The following POM121 variants were observed in gnomAD, a reference collection of about 807,000 sequenced individuals.
The protein encoded by POM121 is nuclear envelope pore membrane protein POM 121.
POM121 carries 32 observed loss-of-function variants against 81.3 expected under a neutral mutation model. That is an observed-to-expected ratio of 0.39 (90% CI 0.30 to 0.53). The LOEUF is 0.53. POM121 is among the 20% of genes least tolerant of loss of function. POM121 has a pLI of 0.66. For missense variants in POM121, 1,138 were observed against 1,614.6 expected (o/e 0.70, Z 5.06); for synonymous variants, 514 against 694.2 (o/e 0.74, Z 4.08).
intron 3 of POM121, among the ~76,000 whole-genome samples, chr7:72,897,123 G>T (rs1792043013): frequency 6.6e-6 from 1 of 152,070 alleles, no homozygotes; most frequent in Non-Finnish European, 1.5e-5. Context: ...CTGTACTCCA[G>T]CCTGGGCAAC....
At chr7:72,930,883 C>G (rs1438829774) in intron 5 of POM121, among the ~76,000 whole-genome samples, 1 of 152,050 alleles carries the variant, frequency 6.6e-6, no homozygotes, top group Non-Finnish European at 1.5e-5. Context: ...AGGTCTTGGG[C>G]AGACAATCAC....
chr7:72,906,030 T>A (rs1192415392), intron 3 of POM121, among the ~76,000 whole-genome samples: 1 of 152,178 alleles, frequency 6.6e-6, no homozygotes. Flanking sequence ...CTTGTTGAGG[T>A]CTGGAGCTCT....
downstream of POM121, chr7:72,948,711 C>T (rs1044881): frequency 1.8e-4 from 286 of 1,568,564 alleles, no homozygotes; most frequent in Non-Finnish European, 2.3e-4. Flanking sequence ...AAGAAGCCAC[C>T]GCTAAGCGTG....
At chr7:72,907,481 T>A (rs1477767650) in intron 3 of POM121, among the ~76,000 whole-genome samples, 6 of 152,136 alleles carry the variant, frequency 3.9e-5, no homozygotes, top group Non-Finnish European at 8.8e-5. Flanking sequence ...ATACTTTTTC[T>A]TCTGAAAAAA....
intron 3 of POM121, among the ~76,000 whole-genome samples, chr7:72,894,495 T>G (rs1791655146): frequency 6.6e-6 from 1 of 151,704 alleles, no homozygotes; most frequent in Non-Finnish European, 1.5e-5. Flanking sequence ...GGAGAATCGC[T>G]TGAACCTGGG....
In POM121 at chr7:72,943,014, C is replaced by T. The variant is rs1370090363; in HGVS notation, c.3021C>T (p.Pro1007=). 4 of 1,613,696 alleles carry T rather than the reference C, an allele frequency of 2.5e-6. No individual in the cohort carries two copies. Among genetic ancestry groups the T allele is most frequent in the Non-Finnish European group, 3.4e-6 (4 of 1,179,840 alleles). ...FGNSAAPAAA[P]TPAPPSMIKV... is the part of the protein sequence containing the mutation. ...ACTCTGCAGCCCCGGCTGCTGCACC[C>T]ACACCTGCACCTCCGTCCATGATCA... is the stretch of plus-strand genomic sequence containing the variant. Residue 1007 remains proline (P), a synonymous_variant, in exon 11 of 13, where the codon CCC becomes CCT. Coordinates refer to ENST00000434423, the MANE Select transcript of POM121 (RefSeq NM_001387691.1).
chr7:72,942,900 G>A lies in POM121; in HGVS notation c.2907G>A (p.Gln969=), dbSNP rs782549564. The A allele has an allele frequency of 1.2e-6, 2 of 1,601,466 alleles. No homozygotes were observed. The highest frequency in any genetic ancestry group is 1.7e-4 in the Middle Eastern group (1 of 5,834). Residue 969 remains glutamine, a synonymous_variant, in exon 11 of 13, where the codon CAG becomes CAA. Transcript: ENST00000434423. The part of the protein sequence containing the change: ...PLPSYPGANP[Q]PAFGAAEGQP... ...CATCATATCCGGGAGCCAACCCCCA[G>A]CCCGCATTTGGGGCCGCTGAGGGGC...
intron 3 of POM121, among the ~76,000 whole-genome samples, chr7:72,912,339 A>G (rs1471701252): frequency 6.6e-6 from 1 of 152,230 alleles, no homozygotes; most frequent in Non-Finnish European, 1.5e-5. Flanking sequence ...GAAATAAGAC[A>G]CGCAGCACAG....
chr7:72,904,962 C>A (rs1480107847), intron 3 of POM121, among the ~76,000 whole-genome samples: 2 of 152,202 alleles, frequency 1.3e-5, no homozygotes, highest in African/African-American at 4.8e-5. Context: ...ATGGGGTGAA[C>A]CGCGCCCGTG....
chr7:72,939,454 G>C (rs782600707), intron 7 of POM121, 45 bp downstream of exon 7: 9 of 1,611,074 alleles, frequency 5.6e-6, no homozygotes, highest in Non-Finnish European at 7.6e-6. Flanking sequence ...GGTGGTGGAG[G>C]TGTTTGTGGA....
intron 12 of POM121, 91 bp downstream of exon 12, chr7:72,945,799 A>G: frequency 2.0e-6 from 3 of 1,512,222 alleles, no homozygotes; most frequent in Non-Finnish European, 2.7e-6. Context: ...GGCCCGGTGA[A>G]GATCAGGTTC....
chr7:72,936,510 C>G (rs1416236227), intron 5 of POM121, among the ~76,000 whole-genome samples: 4 of 152,256 alleles, frequency 2.6e-5, no homozygotes, highest in African/African-American at 9.6e-5. Context: ...ATCTCCTGAC[C>G]TCGTGATCCG....
intron 1 of POM121, among the ~76,000 whole-genome samples, chr7:72,882,805 G>A (rs1430613719): frequency 6.6e-6 from 1 of 152,108 alleles, no homozygotes; most frequent in East Asian, 1.9e-4. Flanking sequence ...CAGTGTTTTC[G>A]TTTTGTCCTT....
chr7:72,921,792 C>T (rs188485676), upstream of POM121, among the ~76,000 whole-genome samples: 566 of 152,244 alleles, frequency 3.7e-3, 4 homozygotes, highest in African/African-American at 0.013. Context: ...TAATTTTCAG[C>T]TGCTTTATAG....
intron 3 of POM121, among the ~76,000 whole-genome samples, chr7:72,898,979 C>CTTTTTTTTTT (rs1176371162): frequency 4.7e-4 from 16 of 34,098 alleles, no homozygotes; most frequent in East Asian, 9.0e-4. Flanking sequence ...CTTTTCTTTT[C>CTTTTTTTTTT]TTTTTTTTTT....
chr7:72,949,086 C>G, downstream of POM121: 1 of 1,612,642 alleles, frequency 6.2e-7, no homozygotes, highest in Non-Finnish European at 8.5e-7. Flanking sequence ...GCTCCTCCAG[C>G]TGTCTGCTCG....
intron 5 of POM121, among the ~76,000 whole-genome samples, chr7:72,930,475 C>T (rs143177346): frequency 3.9e-5 from 6 of 152,262 alleles, no homozygotes; most frequent in Admixed American, 1.3e-4. Flanking sequence ...TGCATGTGTG[C>T]GAGCTGATTC....
At chr7:72,880,167 C>G (rs1563127281) in intron 1 of POM121, among the ~76,000 whole-genome samples, 1 of 152,204 alleles carries the variant, frequency 6.6e-6, no homozygotes, top group Non-Finnish European at 1.5e-5. Context: ...TCTCTGTGCT[C>G]CAGATTTCGA....
At chr7:72,895,574 C>T (rs1437128009) in intron 3 of POM121, among the ~76,000 whole-genome samples, 3 of 152,158 alleles carry the variant, frequency 2.0e-5, no homozygotes, top group Non-Finnish European at 4.4e-5. Context: ...CTTCTGTCAT[C>T]GTTCAGTCTA....
Sources: gnomAD v4.1 joint callset for allele counts (sites outside exome capture counted in the v4.1 genomes callset) on GRCh38, gnomAD v4.1.1 for gene constraint, MANE v1.5 for transcripts, NCBI Gene and HGNC (gene_info 2026-07-23, HGNC 2026-07-21) for gene names.